The following CAMK2B variants were observed in gnomAD, a reference collection of about 807,000 sequenced individuals.
The protein encoded by CAMK2B is calcium/calmodulin dependent protein kinase II beta.
CAMK2B carries 27 observed loss-of-function variants against 93.7 expected under a neutral mutation model. The ratio of observed to expected loss-of-function variants is 0.29; its 90% CI spans 0.21 to 0.40. The LOEUF (loss-of-function observed/expected upper bound fraction) is 0.40. Among genes scored for constraint, CAMK2B ranks in the 10% least tolerant of loss-of-function variants. The pLI, the probability that CAMK2B is intolerant of heterozygous loss-of-function variation, is 1.00. For synonymous variants in CAMK2B, 374 were observed against 358.8 expected, an observed-to-expected ratio of 1.04 and a Z score of -0.48; for missense variants, 568 against 895.8, an observed-to-expected ratio of 0.63 and a Z score of 4.67.
At chr7:44,297,282 C>T (rs915379819) in intron 1 of CAMK2B, among the ~76,000 whole-genome samples, 1 of 150,638 alleles carries the variant, frequency 6.6e-6, no homozygotes, top group East Asian at 1.9e-4. Context: ...AGGACAACCA[C>T]AGAAGAGAAA....
At position 44,286,714 on chromosome 7, in the gene CAMK2B, G is replaced by A. The variant is rs762872210; in HGVS notation, c.66-2489C>T. ...CTCCTCTGCAGAAGGCTCCAGAGCC[G>A]CCCCTGCACCATCAGCCTAGGTCGG... On this transcript the variant is annotated intron_variant, in intron 1 of 23. Transcript: ENST00000395749. This position sits in a 1 kb window ranked among gnomAD's most constrained non-coding sequence, Gnocchi z 4.0. Among the ~76,000 whole-genome samples, 35 of 152,222 alleles carry A rather than the reference G, an allele frequency of 2.3e-4. No individual in the cohort carries two copies. The highest frequency in any genetic ancestry group is 8.3e-4 in the South Asian group (4 of 4,838).
At chr7:44,262,540 A>ATTTT (rs2096888078) in intron 3 of CAMK2B, among the ~76,000 whole-genome samples, 1 of 152,162 alleles carries the variant, frequency 6.6e-6, no homozygotes, top group Non-Finnish European at 1.5e-5. Flanking sequence ...TAATTGGGCC[A>ATTTT]TCTTGTGGCT....
chr7:44,220,055 C>A lies in CAMK2B; in HGVS notation c.*2+5G>T. On this transcript the variant is annotated splice_donor_5th_base_variant and intron_variant, in intron 23 of 23. Coordinates refer to ENST00000395749, the MANE Select transcript of CAMK2B (RefSeq NM_001220.5). ...CCCAGCTGTCACTTAGCACAGAACA[C>A]TCACCTTCACTGCAGCGGGGCCACA... 6.4e-7 allele frequency: 1 copy of A among 1,567,606 alleles called. No individual in the cohort carries two copies. Among genetic ancestry groups the A allele is most frequent in the Non-Finnish European group, 8.6e-7 (1 of 1,160,804 alleles).
chr7:44,238,812 C>G (rs2096649229), intron 13 of CAMK2B, among the ~76,000 whole-genome samples: 1 of 152,164 alleles, frequency 6.6e-6, no homozygotes, highest in Non-Finnish European at 1.5e-5. Context: ...GCCCTAAGCT[C>G]TCACCAGCCT....
chr7:44,246,360 G>A (rs985229884), intron 6 of CAMK2B, among the ~76,000 whole-genome samples: 2 of 152,070 alleles, frequency 1.3e-5, no homozygotes, highest in African/African-American at 2.4e-5. Flanking sequence ...CTGGAGGTCC[G>A]GAGGGGTAGG....
intron 1 of CAMK2B, among the ~76,000 whole-genome samples, chr7:44,304,216 C>G (rs1299142380): frequency 1.3e-5 from 2 of 152,134 alleles, no homozygotes; most frequent in Non-Finnish European, 2.9e-5. Context: ...ATATTCTTTA[C>G]CTTACACTCC....
At chr7:44,287,169 G>C (rs1401880881) in intron 1 of CAMK2B, among the ~76,000 whole-genome samples, 2 of 152,034 alleles carry the variant, frequency 1.3e-5, no homozygotes, top group Non-Finnish European at 2.9e-5. Context: ...CCTGCGCCCC[G>C]CTCCTGGGCT....
rs971138698 is a variant in CAMK2B at position 44,218,752 on chromosome 7, C to G, written c.*773G>C. On this transcript the variant is annotated 3_prime_UTR_variant, in exon 24 of 24. Transcript: ENST00000395749. Reference sequence around the variant, plus strand: ...CTTTACTCCCCCAGAAGGACCAGAGCTGGAGCCCTGGGTGTGTAGGGGCAT... The same window carrying G: ...CTTTACTCCCCCAGAAGGACCAGAGGTGGAGCCCTGGGTGTGTAGGGGCAT... 2 of 152,384 alleles carry G rather than the reference C, an allele frequency of 1.3e-5. No individual in the cohort carries two copies. The highest frequency in any genetic ancestry group is 1.3e-4 in the Admixed American group (2 of 15,296). 9.4% of individuals were successfully genotyped at this position (152,384 alleles called of 1,614,324 possible).
chr7:44,309,225 G>T (rs758262208), intron 1 of CAMK2B, among the ~76,000 whole-genome samples: 1 of 152,238 alleles, frequency 6.6e-6, no homozygotes, highest in African/African-American at 2.4e-5. Flanking sequence ...AGGGGGCTGG[G>T]ACAAGGGGCA....
chr7:44,312,422 A>T lies in CAMK2B; in HGVS notation c.65+12935T>A, dbSNP rs147644764. Among the ~76,000 whole-genome samples the T allele has an allele frequency of 2.8e-4, 43 of 152,168 alleles. No homozygotes were observed. The highest frequency in any genetic ancestry group is 9.9e-4 in the African/African-American group (41 of 41,542). On this transcript the variant is annotated intron_variant, in intron 1 of 23. Transcript: ENST00000395749. This position sits in a 1 kb window ranked among gnomAD's most constrained non-coding sequence, Gnocchi z 4.1. ...GAGTACCTGGGAGGGCAGGAGAAGGAGGGCCACCCAAAAGACAGGATCCTT... is the reference window on the plus strand; with the variant it reads ...GAGTACCTGGGAGGGCAGGAGAAGGTGGGCCACCCAAAAGACAGGATCCTT...
chr7:44,290,308 C>T (rs1435120651), intron 1 of CAMK2B, among the ~76,000 whole-genome samples: 1 of 152,246 alleles, frequency 6.6e-6, no homozygotes, highest in African/African-American at 2.4e-5. Flanking sequence ...TCTGACGCTC[C>T]CCACGCGGGC....
chr7:44,285,814 G>T (rs1171064104), intron 1 of CAMK2B, among the ~76,000 whole-genome samples: 5 of 130,508 alleles, frequency 3.8e-5, no homozygotes, highest in African/African-American at 8.5e-5. Context: ...GATGCGGCGG[G>T]GGGGAGGCGC....
chr7:44,325,410 C>G lies in CAMK2B; in HGVS notation c.12G>C (p.Thr4=). The G allele has an allele frequency of 8.5e-7, 1 of 1,182,574 alleles. No individual in the cohort carries two copies. Among genetic ancestry groups the G allele is most frequent in the Non-Finnish European group, 1.1e-6 (1 of 932,986 alleles). 73.3% of individuals were successfully genotyped at this position (1,182,574 alleles called of 1,614,324 possible). A position where few individuals can be genotyped will look rare whatever the true frequency, so the allele number is the denominator to read the frequency against. ...CGTCGGTGAAGCGGGTGCAGGTCAC[C>G]GTGGTGGCCATGGCGGCGGCGGACG... The part of the protein sequence containing the change: MAT[T]VTCTRFTDEY... Residue 4 remains threonine, a synonymous_variant, in exon 1 of 24, where the codon ACG becomes ACC. Transcript: ENST00000395749.
In CAMK2B at chr7:44,241,624, C is replaced by T. The variant is rs73691438; in HGVS notation, c.903+76G>A. ...TAACCCCTAGGTCTGCCCAGACCCC[C>T]CAAGGCCCCCCTGCTCCAGCCCAGA... On this transcript the variant is annotated intron_variant, in intron 11 of 23. Transcript: ENST00000395749. The T allele has an allele frequency of 2.0e-4, 236 of 1,207,968 alleles. No homozygotes were observed. In the East Asian group the frequency reaches 5.0e-3, roughly 25 times the overall value. The allele number at this position is 1,207,968 out of a possible 1,614,324, so 74.8% of individuals were successfully genotyped here. A position where few individuals can be genotyped will look rare whatever the true frequency, so the allele number is the denominator to read the frequency against.
At chr7:44,270,440 C>G (rs1436537736) in intron 2 of CAMK2B, among the ~76,000 whole-genome samples, 1 of 152,212 alleles carries the variant, frequency 6.6e-6, no homozygotes, top group Non-Finnish European at 1.5e-5. Context: ...GGTGGTCCAC[C>G]TGTGCGCTGG....
At chr7:44,296,349 G>T (rs1018236097) in intron 1 of CAMK2B, among the ~76,000 whole-genome samples, 2 of 152,060 alleles carry the variant, frequency 1.3e-5, no homozygotes, top group African/African-American at 4.8e-5. Flanking sequence ...AAACCAACCA[G>T]TGAGTTTGAA....
At chr7:44,272,571 T>C (rs1459866304) in intron 2 of CAMK2B, among the ~76,000 whole-genome samples, 1 of 152,242 alleles carries the variant, frequency 6.6e-6, no homozygotes, top group Non-Finnish European at 1.5e-5. Context: ...TGCAGCTGCC[T>C]GCTGCCTCAA....
intron 13 of CAMK2B, among the ~76,000 whole-genome samples, chr7:44,238,295 G>A (rs1037435311): frequency 2.0e-5 from 3 of 152,186 alleles, no homozygotes; most frequent in African/African-American, 2.4e-5. Flanking sequence ...CTCATGCACC[G>A]TCGCCCCACG....
chr7:44,282,510 G>A (rs2129096514), intron 2 of CAMK2B, among the ~76,000 whole-genome samples: 1 of 152,336 alleles, frequency 6.6e-6, no homozygotes, highest in African/African-American at 2.4e-5. Flanking sequence ...CGTGGGCTGG[G>A]ACACACACAT....
Sources: gnomAD v4.1 joint callset for allele counts (sites outside exome capture counted in the v4.1 genomes callset) on GRCh38, gnomAD v4.1.1 for gene constraint, Gnocchi (gnomAD v3.1) non-coding constraint, MANE v1.5 for transcripts, NCBI Gene and HGNC (gene_info 2026-07-23, HGNC 2026-07-21) for gene names.